XRCC4: variants seen among roughly 807,000 people sequenced by gnomAD.
The protein encoded by XRCC4 is X-ray repair cross complementing 4.
Under a neutral mutation model 39.1 loss-of-function variants are expected in XRCC4, and 28 were observed. The ratio of observed to expected loss-of-function variants is 0.72; its 90% CI spans 0.53 to 0.98. XRCC4 has a LOEUF of 0.98. Among genes scored for constraint, XRCC4 ranks in the 50% least tolerant of loss-of-function variants. XRCC4 has a pLI of 0.00. For synonymous variants in XRCC4, 123 were observed against 126.4 expected (o/e 0.97, Z 0.18); for missense variants, 350 against 376.4 (o/e 0.93, Z 0.58).
At chr5:83,235,334 CAA>C (rs57372204) in intron 6 of XRCC4, among the ~76,000 whole-genome samples, 13 of 58,702 alleles carry the variant, frequency 2.2e-4, no homozygotes, top group Non-Finnish European at 3.7e-4. Flanking sequence ...GACCCTATCT[CAA>C]AAAAAAAAAA....
intron 3 of XRCC4, among the ~76,000 whole-genome samples, chr5:83,124,598 A>C (rs1172551107): frequency 6.6e-6 from 1 of 152,196 alleles, no homozygotes; most frequent in Non-Finnish European, 1.5e-5. Flanking sequence ...ATTCATGTAC[A>C]GGTTTCCATG....
intron 6 of XRCC4, among the ~76,000 whole-genome samples, chr5:83,254,572 A>C (rs1002750780): frequency 2.0e-5 from 3 of 152,188 alleles, no homozygotes; most frequent in East Asian, 3.9e-4. Context: ...AAGGTAATGA[A>C]TATTATAGAC....
chr5:83,117,894 T>C (rs1746810985), intron 3 of XRCC4, among the ~76,000 whole-genome samples: 1 of 151,986 alleles, frequency 6.6e-6, no homozygotes. Flanking sequence ...TGCTCTCCCC[T>C]TGCCTGGACC....
At chr5:83,161,237 A>G (rs1164536349) in intron 3 of XRCC4, among the ~76,000 whole-genome samples, 1 of 151,904 alleles carries the variant, frequency 6.6e-6, no homozygotes. Flanking sequence ...CAGCCTCCCA[A>G]GTAGCTGGGA....
intron 3 of XRCC4, among the ~76,000 whole-genome samples, chr5:83,120,706 G>A (rs1272273809): frequency 1.3e-5 from 2 of 152,144 alleles, no homozygotes; most frequent in Admixed American, 1.3e-4. Flanking sequence ...ATTTCAAGTT[G>A]TGGGCTGACA....
In XRCC4 at chr5:83,152,671, A is replaced by G. The variant is rs117688184; in HGVS notation, c.315+41468A>G. On this transcript the variant is annotated intron_variant, in intron 3 of 7. Transcript: ENST00000396027. Reference sequence around the variant, plus strand: ...AAAAAAAAGAAATAGAACTTCAAATATATTTCAAAGACCTTTAAAAGAAGG... The same window carrying G: ...AAAAAAAAGAAATAGAACTTCAAATGTATTTCAAAGACCTTTAAAAGAAGG... Among the ~76,000 whole-genome samples, 719 of 151,708 alleles carry G rather than the reference A, an allele frequency of 4.7e-3. 5 individuals carry two copies. The highest frequency in any genetic ancestry group is 0.045 in the East Asian group (231 of 5,152).
intron 7 of XRCC4, among the ~76,000 whole-genome samples, chr5:83,320,459 G>C (rs1263731331): frequency 6.6e-6 from 1 of 151,636 alleles, no homozygotes; most frequent in African/African-American, 2.4e-5. Flanking sequence ...TACAAAAAGG[G>C]ATTTATAATA....
chr5:83,343,950 A>T (rs756514135), intron 7 of XRCC4, among the ~76,000 whole-genome samples: 1 of 152,166 alleles, frequency 6.6e-6, no homozygotes, highest in South Asian at 2.1e-4. Context: ...TATGCCTAAT[A>T]CTAAACCTTC....
At chr5:83,166,183 G>T (rs1208149535) in intron 3 of XRCC4, among the ~76,000 whole-genome samples, 1 of 151,920 alleles carries the variant, frequency 6.6e-6, no homozygotes, top group African/African-American at 2.4e-5. Context: ...CACCACACCC[G>T]GCCACATTTT....
At chr5:83,215,769 G>C (rs1027054756) in intron 6 of XRCC4, among the ~76,000 whole-genome samples, 1 of 152,030 alleles carries the variant, frequency 6.6e-6, no homozygotes, top group Non-Finnish European at 1.5e-5. Flanking sequence ...ATTGGGTATC[G>C]ACTTGAAAAA....
chr5:83,262,459 G>A (rs75424853), intron 7 of XRCC4, among the ~76,000 whole-genome samples: 10 of 151,964 alleles, frequency 6.6e-5, no homozygotes, highest in South Asian at 6.2e-4. Flanking sequence ...CCACTTTTTT[G>A]GGGGGTGGGG....
intron 3 of XRCC4, among the ~76,000 whole-genome samples, chr5:83,194,403 A>T (rs1323929378): frequency 6.6e-6 from 1 of 152,212 alleles, no homozygotes; most frequent in African/African-American, 2.4e-5. Flanking sequence ...ATTTCATTGC[A>T]TGAGAAAACT....
intron 1 of XRCC4, among the ~76,000 whole-genome samples, chr5:83,090,671 T>A (rs1745384752): frequency 6.6e-6 from 1 of 152,070 alleles, no homozygotes; most frequent in Non-Finnish European, 1.5e-5. Flanking sequence ...ACCAGCTCCA[T>A]CCTGAGGCTG....
intron 6 of XRCC4, among the ~76,000 whole-genome samples, chr5:83,208,870 A>G (rs1312140327): frequency 6.6e-6 from 1 of 152,092 alleles, no homozygotes; most frequent in Non-Finnish European, 1.5e-5. Context: ...TTCTTAAGCT[A>G]TGGCTGCATA....
At chr5:83,119,218 T>A (rs1746880846) in intron 3 of XRCC4, among the ~76,000 whole-genome samples, 1 of 152,200 alleles carries the variant, frequency 6.6e-6, no homozygotes, top group Non-Finnish European at 1.5e-5. Context: ...ATCAGAATTG[T>A]AGCATTTATT....
At chr5:83,235,083 C>T (rs566359007) in intron 6 of XRCC4, among the ~76,000 whole-genome samples, 8 of 151,286 alleles carry the variant, frequency 5.3e-5, no homozygotes, top group African/African-American at 1.5e-4. Flanking sequence ...ACCTATAATC[C>T]GATCATTTTG....
intron 7 of XRCC4, among the ~76,000 whole-genome samples, chr5:83,294,424 T>C (rs901581092): frequency 2.6e-5 from 4 of 152,104 alleles, no homozygotes; most frequent in African/African-American, 9.7e-5. Context: ...CCGATTACTT[T>C]AGCTGTATTG....
chr5:83,155,475 A>G (rs1465620693), intron 3 of XRCC4, among the ~76,000 whole-genome samples: 1 of 152,146 alleles, frequency 6.6e-6, no homozygotes, highest in African/African-American at 2.4e-5. Flanking sequence ...ACATGATGTG[A>G]AATTGGAAAC....
At chr5:83,105,091 A>C in intron 2 of XRCC4, 33 bp downstream of exon 2, 1 of 1,585,648 alleles carries the variant, frequency 6.3e-7, no homozygotes, top group Non-Finnish European at 8.6e-7. Context: ...TATAAGTAAA[A>C]TTTAAGTGTG....
Sources: gnomAD v4.1 joint callset for allele counts (sites outside exome capture counted in the v4.1 genomes callset) on GRCh38, gnomAD v4.1.1 for gene constraint, MANE v1.5 for transcripts, NCBI Gene and HGNC (gene_info 2026-07-23, HGNC 2026-07-21) for gene names.